The following DAO variants were observed in gnomAD, a reference collection of about 807,000 sequenced individuals.
DAO encodes D-amino acid oxidase.
Under a neutral mutation model 50.1 loss-of-function variants are expected in DAO, and 51 were observed. The observed-to-expected ratio is 1.02, with a 90% CI of 0.81 to 1.29. The LOEUF (loss-of-function observed/expected upper bound fraction) is 1.29. Among genes scored for constraint, DAO ranks in the 50% most tolerant of loss-of-function variants. The pLI, the probability that DAO is intolerant of heterozygous loss-of-function variation, is 0.00. For missense variants in DAO, 436 were observed against 439.4 expected (o/e 0.99, Z 0.07); for synonymous variants, 160 against 166.2 (o/e 0.96, Z 0.29).
chr12:108,890,357 A>T (rs904794360), intron 5 of DAO, 84 bp downstream of exon 5: 3 of 1,046,988 alleles, frequency 2.9e-6, no homozygotes, highest in Non-Finnish European at 3.0e-6. Flanking sequence ...TTCCCTCAGC[A>T]TGGACTAACC....
chr12:108,893,518 C>T (rs1247641891), intron 6 of DAO, among the ~76,000 whole-genome samples: 1 of 152,172 alleles, frequency 6.6e-6, no homozygotes, highest in Non-Finnish European at 1.5e-5. Flanking sequence ...ATCCCAGCAT[C>T]TAAAACCCTG....
In DAO at chr12:108,890,752, G is replaced by A. The variant is rs2039482129; in HGVS notation, c.452+479G>A. On this transcript the variant is annotated intron_variant, in intron 5 of 10. Coordinates refer to ENST00000228476, the MANE Select transcript of DAO (RefSeq NM_001917.5). ...AGGAATCTTGCAGTGTTCTAAATTA[G>A]CAAACACTCACTTGAGAGATACATT... Among the ~76,000 whole-genome samples the A allele has an allele frequency of 2.0e-5, 3 of 151,998 alleles. No individual in the cohort carries two copies. The South Asian group carries it at 6.2e-4, about 32-fold the overall frequency.
rs531980044 is a variant in DAO, at chr12:108,900,568, A to G, written c.*33A>G. The G allele has an allele frequency of 6.2e-6, 10 of 1,612,430 alleles. 1 individual carries two copies. The South Asian group carries it at 9.9e-5, about 16-fold the overall frequency. On this transcript the variant is annotated 3_prime_UTR_variant, in exon 11 of 11. Transcript: ENST00000228476. The stretch of plus-strand genomic sequence containing the variant: ...AGTGACTGCTGCCTCCCCCCACAAG[A>G]ACTCCCTTCTCCCCTCAGCCAATGA...
intron 6 of DAO, among the ~76,000 whole-genome samples, chr12:108,893,334 A>G (rs540322060): frequency 6.6e-6 from 1 of 152,278 alleles, no homozygotes; most frequent in Admixed American, 6.5e-5. Flanking sequence ...GCTGCACTCC[A>G]AGGTCAGAAC....
At chr12:108,890,336 G>T in intron 5 of DAO, 63 bp downstream of exon 5, 1 of 1,306,382 alleles carries the variant, frequency 7.7e-7, no homozygotes, top group Non-Finnish European at 1.1e-6. Context: ...AGTGGAAGAT[G>T]GTTCGTGGGC....
At chr12:108,896,699 G>A (rs986206758) in intron 7 of DAO, among the ~76,000 whole-genome samples, 4 of 152,074 alleles carry the variant, frequency 2.6e-5, no homozygotes, top group Non-Finnish European at 4.4e-5. Flanking sequence ...CTGTTCAGTC[G>A]GTTGGGGACT....
chr12:108,898,920 T>C, intron 9 of DAO, 124 bp downstream of exon 9: 1 of 729,828 alleles, frequency 1.4e-6, no homozygotes, highest in East Asian at 2.7e-5. Flanking sequence ...GCAAGGGATG[T>C]GGAACATAAC....
At position 108,899,992 on chromosome 12, in the gene DAO, G is replaced by A. The variant is rs142047429; in HGVS notation, c.913-412G>A. On this transcript the variant is annotated intron_variant, in intron 10 of 10. Transcript: ENST00000228476. Reference sequence around the variant, plus strand: ...TGTGTACTTACTGGATGTGTACTTCGTGTCAGACACAGCAGCAAGTCCATT... The same window carrying A: ...TGTGTACTTACTGGATGTGTACTTCATGTCAGACACAGCAGCAAGTCCATT... The A allele has an allele frequency of 1.0e-3, 314 of 309,786 alleles. 1 individual carries two copies. The highest frequency in any genetic ancestry group is 6.4e-3 in the African/African-American group (295 of 46,368). The allele number at this position is 309,786 out of a possible 1,614,324, so 19.2% of individuals were successfully genotyped here. A position where few individuals can be genotyped will look rare whatever the true frequency, so the allele number is the denominator to read the frequency against.
intron 7 of DAO, among the ~76,000 whole-genome samples, chr12:108,896,667 G>A (rs2039564045): frequency 6.6e-6 from 1 of 152,074 alleles, no homozygotes; most frequent in South Asian, 2.1e-4. Context: ...TTTCTCTGGG[G>A]CTCCTGGGGC....
Position 108,894,362 on chromosome 12 carries a change from A to G in DAO, c.607A>G (p.Met203Val). Residue 203 changes from methionine (M) to valine (V), a missense_variant, in exon 7 of 11, where the codon ATG (methionine) becomes GTG (valine). Met to Val is a conservative substitution (Grantham distance 21). Transcript: ENST00000228476. ...PLLQPGRGQIMKVDAPWMKHF... is the reference protein window; with the variant it reads ...PLLQPGRGQIVKVDAPWMKHF... ...GCTGCAGCCAGGCCGGGGGCAGATC[A>G]TGAAGGTGAGTGTGAGGGTGAGACC... is the stretch of plus-strand genomic sequence containing the variant. 3 of 1,612,954 alleles carry G rather than the reference A, an allele frequency of 1.9e-6. No individual in the cohort carries two copies. The highest frequency in any genetic ancestry group is 3.3e-5 in the Admixed American group (2 of 59,980).
chr12:108,895,429 G>A (rs1451867002), intron 7 of DAO, among the ~76,000 whole-genome samples: 1 of 150,368 alleles, frequency 6.7e-6, no homozygotes, highest in African/African-American at 2.4e-5. Flanking sequence ...GTGAGGGTGT[G>A]TGCATATGTG....
chr12:108,891,990 C>T (rs761109256), intron 5 of DAO, among the ~76,000 whole-genome samples: 2 of 152,072 alleles, frequency 1.3e-5, no homozygotes, highest in Non-Finnish European at 2.9e-5. Context: ...TTCTCCTAAC[C>T]TGGGGACACA....
chr12:108,885,145 G>A lies in DAO; in HGVS notation c.139G>A (p.Val47Met), dbSNP rs778091384. The change falls in exon 2 of 11, where the codon GTG (valine) becomes ATG (methionine). Residue 47 changes from valine to methionine, a missense_variant. Physicochemically the swap from Val to Met is conservative, Grantham distance 21 (BLOSUM62 1). Coordinates refer to ENST00000228476, the MANE Select transcript of DAO (RefSeq NM_001917.5). ...DRFTPLTTTD[V>M]AAGLWQPYLS... The stretch of plus-strand genomic sequence containing the variant: ...CTTCACCCCACTCACCACCACCGAC[G>A]TGGCTGCCGGCCTCTGGCAGCCCTA... 3.7e-6 allele frequency: 6 copies of A among 1,613,370 alleles called. No individual in the cohort carries two copies. Among genetic ancestry groups the A allele is most frequent in the South Asian group, 1.1e-5 (1 of 91,080 alleles).
chr12:108,892,311 T>C (rs1291020988), intron 5 of DAO, among the ~76,000 whole-genome samples: 1 of 151,698 alleles, frequency 6.6e-6, no homozygotes, highest in Non-Finnish European at 1.5e-5. Context: ...TACAGGCGCC[T>C]GCCACCACGT....
At chr12:108,884,661 G>A (rs1423028502) in intron 1 of DAO, among the ~76,000 whole-genome samples, 1 of 152,082 alleles carries the variant, frequency 6.6e-6, no homozygotes, top group Non-Finnish European at 1.5e-5. Flanking sequence ...CTAACCACCG[G>A]CCTACCCAGC....
In DAO at chr12:108,900,618, T is replaced by C; in HGVS notation, c.*83T>C. 6.4e-7 allele frequency: 1 copy of C among 1,562,060 alleles called. No individual in the cohort carries two copies. On this transcript the variant is annotated 3_prime_UTR_variant, in exon 11 of 11. Transcript: ENST00000228476. The stretch of plus-strand genomic sequence containing the variant: ...AATCAATGTGCTCCTTCATAAGCCA[T>C]TGCTTCTCCCTCACTTCTTTCCTCA...
intron 8 of DAO, among the ~76,000 whole-genome samples, chr12:108,897,871 T>C (rs2039577156): frequency 1.3e-5 from 2 of 151,026 alleles, no homozygotes; most frequent in South Asian, 4.2e-4. Flanking sequence ...TGCTTGAACC[T>C]GGGAGGTTGA....
intron 2 of DAO, among the ~76,000 whole-genome samples, chr12:108,886,443 G>T (rs1344066572): frequency 1.3e-5 from 2 of 152,072 alleles, no homozygotes; most frequent in Non-Finnish European, 2.9e-5. Context: ...TTCAGCAAAT[G>T]GAACACCCAA....
intron 1 of DAO, among the ~76,000 whole-genome samples, chr12:108,880,641 T>C: frequency 6.7e-6 from 1 of 148,850 alleles, no homozygotes; most frequent in East Asian, 1.9e-4. Flanking sequence ...AATAACTTCA[T>C]GAGAAGTAGC....
Sources: allele counts gnomAD v4.1 joint callset (sites outside exome capture counted in the v4.1 genomes callset), GRCh38; gene constraint gnomAD v4.1.1; transcripts MANE v1.5; gene names NCBI Gene and HGNC (gene_info 2026-07-23, HGNC 2026-07-21).